The following MYO18B variants were observed in gnomAD, a reference collection of about 807,000 sequenced individuals.
MYO18B encodes the protein myosin XVIIIB.
In MYO18B, 204 loss-of-function variants were observed where a neutral mutation model predicts 273.0. That is an observed-to-expected ratio of 0.75 (90% confidence interval 0.67 to 0.84). The LOEUF is 0.84. Among genes scored for constraint, MYO18B ranks in the 40% least tolerant of loss-of-function variants. The pLI is 0.00. For missense variants in MYO18B, 3,212 were observed against 3,287.6 expected (o/e 0.98, Z 0.56); for synonymous variants, 1,330 against 1,305.7 (o/e 1.02, Z -0.40).
chr22:25,944,686 A>G (rs1410190784), intron 34 of MYO18B, among the ~76,000 whole-genome samples: 3 of 152,064 alleles, frequency 2.0e-5, no homozygotes, highest in Admixed American at 6.6e-5. Flanking sequence ...CGTCTCTACT[A>G]AAAAACAAAA....
At chr22:25,787,540 A>G (rs537986950) in intron 11 of MYO18B, among the ~76,000 whole-genome samples, 2 of 152,276 alleles carry the variant, frequency 1.3e-5, no homozygotes, top group South Asian at 2.1e-4. Flanking sequence ...CCTTATAAGT[A>G]TGTCCCAAAT....
At position 25,936,270 on chromosome 22, in the gene MYO18B, G is replaced by A. The variant is rs1005497781; in HGVS notation, c.5518-9867G>A. Among the ~76,000 whole-genome samples, 10 of 152,296 alleles carry A rather than the reference G, an allele frequency of 6.6e-5. No individual in the cohort carries two copies. The South Asian group carries it at 2.1e-3, about 32-fold the overall frequency. Reference sequence around the variant, plus strand: ...ATCCAGATTCATCATCACCAGAGAGGAAGTCAGGATAGAAGCTTTTGAAGT... The same window carrying A: ...ATCCAGATTCATCATCACCAGAGAGAAAGTCAGGATAGAAGCTTTTGAAGT... On this transcript the variant is annotated intron_variant, in intron 34 of 43. Coordinates refer to ENST00000335473, the MANE Select transcript of MYO18B (RefSeq NM_032608.7).
chr22:25,892,766 G>A (rs934034275), intron 27 of MYO18B: 2 of 152,158 alleles, frequency 1.3e-5, no homozygotes, highest in South Asian at 2.1e-4. Context: ...TCTTATAAGC[G>A]AGACCCAACA....
chr22:25,829,563 G>A (rs2145922070), intron 15 of MYO18B, among the ~76,000 whole-genome samples: 1 of 150,748 alleles, frequency 6.6e-6, no homozygotes, highest in Non-Finnish European at 1.5e-5. Flanking sequence ...TATAAGGCCA[G>A]GCACGGTGGC....
intron 37 of MYO18B, among the ~76,000 whole-genome samples, chr22:25,951,818 T>G (rs1183527415): frequency 1.3e-5 from 2 of 152,150 alleles, no homozygotes; most frequent in Non-Finnish European, 2.9e-5. Flanking sequence ...GTCACTAATC[T>G]CCTCTAATCC....
intron 39 of MYO18B, among the ~76,000 whole-genome samples, chr22:25,957,605 C>T (rs1174077735): frequency 2.0e-5 from 3 of 152,292 alleles, no homozygotes; most frequent in South Asian, 2.1e-4. Context: ...GAAATTCATT[C>T]TCTCATAGTT....
intron 27 of MYO18B, among the ~76,000 whole-genome samples, chr22:25,891,995 C>G (rs895033575): frequency 7.2e-5 from 11 of 152,136 alleles, no homozygotes; most frequent in African/African-American, 2.7e-4. Flanking sequence ...CAGAGCAAGA[C>G]CCTGTCTCAA....
chr22:25,805,182 AC>A (rs1408297684), intron 12 of MYO18B, among the ~76,000 whole-genome samples: 1 of 152,130 alleles, frequency 6.6e-6, no homozygotes, highest in Non-Finnish European at 1.5e-5. Flanking sequence ...GTGATTTAGC[AC>A]ATGGCATCCC....
chr22:25,961,425 G>A (rs1052564200), intron 39 of MYO18B, among the ~76,000 whole-genome samples: 1 of 152,156 alleles, frequency 6.6e-6, no homozygotes, highest in Non-Finnish European at 1.5e-5. Flanking sequence ...GAGGACTGCT[G>A]TAGTTTGAAT....
intron 34 of MYO18B, among the ~76,000 whole-genome samples, chr22:25,933,299 A>G (rs1017494915): frequency 2.4e-4 from 36 of 152,202 alleles, no homozygotes; most frequent in African/African-American, 8.7e-4. Context: ...CCAGTGTCTC[A>G]AGCACTGAGT....
intron 27 of MYO18B, among the ~76,000 whole-genome samples, chr22:25,891,887 G>A (rs1297550152): frequency 6.6e-6 from 1 of 152,104 alleles, no homozygotes; most frequent in Non-Finnish European, 1.5e-5. Flanking sequence ...AATTAGCCTG[G>A]TGTGGTGGCA....
At chr22:26,048,974 C>A in the MYO18B span, among the ~76,000 whole-genome samples, 1 of 152,108 alleles carries the variant, frequency 6.6e-6, no homozygotes, top group Non-Finnish European at 1.5e-5. Context: ...AGGCTTAGTA[C>A]CTGGGTCACG....
intron 41 of MYO18B, among the ~76,000 whole-genome samples, chr22:26,003,976 T>A (rs1601810928): frequency 6.8e-6 from 1 of 147,064 alleles, no homozygotes; most frequent in East Asian, 1.9e-4. Flanking sequence ...TTTTTAAAAA[T>A]TTTATTGTTA....
At chr22:25,992,246 T>C (rs2093277752) in intron 39 of MYO18B, 117 bp from the exon 40 acceptor site, 15 of 1,319,048 alleles carry the variant, frequency 1.1e-5, no homozygotes, top group Non-Finnish European at 1.2e-5. Context: ...AACTTACCAC[T>C]TCATAGGTGC....
the MYO18B span, among the ~76,000 whole-genome samples, chr22:26,040,704 A>G: frequency 6.6e-6 from 1 of 152,198 alleles, no homozygotes; most frequent in Non-Finnish European, 1.5e-5. Flanking sequence ...AGAGCATTCT[A>G]GGCAGAGGGA....
At chr22:25,752,049 T>G (rs1157812592) in intron 1 of MYO18B, among the ~76,000 whole-genome samples, 1 of 152,188 alleles carries the variant, frequency 6.6e-6, no homozygotes, top group African/African-American at 2.4e-5. Flanking sequence ...CCATTATGTG[T>G]GGATGCAGAC....
intron 23 of MYO18B, 131 bp from the exon 24 acceptor site, chr22:25,876,058 G>T (rs1404909284): frequency 2.0e-5 from 12 of 605,134 alleles, no homozygotes; most frequent in East Asian, 3.5e-5. Flanking sequence ...GTGTTTTAAG[G>T]TATCCAGTCC....
At chr22:25,997,958 A>ACACACACACACAAACAC (rs1569278959) in intron 40 of MYO18B, among the ~76,000 whole-genome samples, 1 of 105,704 alleles carries the variant, frequency 9.5e-6, no homozygotes, top group Non-Finnish European at 2.0e-5. Context: ...CACACACACA[A>ACACACACACACAAACAC]ACACACACAC....
intron 25 of MYO18B, among the ~76,000 whole-genome samples, chr22:25,885,516 T>C (rs961129430): frequency 6.6e-6 from 1 of 152,094 alleles, no homozygotes; most frequent in Non-Finnish European, 1.5e-5. Context: ...CAGAACCTGG[T>C]CTGGCAGGTG....
Sources: allele counts gnomAD v4.1 joint callset (sites outside exome capture counted in the v4.1 genomes callset), GRCh38; gene constraint gnomAD v4.1.1; transcripts MANE v1.5; gene names NCBI Gene and HGNC (gene_info 2026-07-23, HGNC 2026-07-21).